The following SHTN1 variants were observed in gnomAD, a reference collection of about 807,000 sequenced individuals.
SHTN1 encodes shootin-1.
A neutral mutation model predicts 83.1 loss-of-function variants in SHTN1; 42 were observed. The observed-to-expected ratio is 0.51, with a 90% CI of 0.39 to 0.65. SHTN1 has a LOEUF of 0.65. SHTN1 is among the 30% of genes least tolerant of loss of function. The probability of loss-of-function intolerance (pLI) is 0.00; values close to 1 mark genes in which losing one functional copy is unlikely to be tolerated. For synonymous variants in SHTN1, 224 were observed against 247.7 expected (o/e 0.90, Z 0.90); for missense variants, 622 against 737.8 (o/e 0.84, Z 1.82).
At chr10:116,921,309 C>A (rs1040095421) in intron 12 of SHTN1, 125 bp downstream of exon 12, 5 of 640,010 alleles carry the variant, frequency 7.8e-6, no homozygotes, top group African/African-American at 5.5e-5. Flanking sequence ...TTCATTCTTA[C>A]AGCTGTTCAG....
chr10:117,005,119 C>T lies in SHTN1; in HGVS notation c.-40G>A, dbSNP rs569292667. 1.3e-6 allele frequency: 2 copies of T among 1,570,614 alleles called. No individual in the cohort carries two copies. The highest frequency in any genetic ancestry group is 8.6e-7 in the Non-Finnish European group (1 of 1,157,212). On this transcript the variant is annotated 5_prime_UTR_variant, in exon 1 of 17. Transcript: ENST00000355371. The stretch of plus-strand genomic sequence containing the variant: ...CCGGGAATAAAAGGGAAAGAGGGAG[C>T]GGCGCGGGGCACACAGGAGGAGGGG...
intron 1 of SHTN1, among the ~76,000 whole-genome samples, chr10:117,093,139 G>A (rs1281805378): frequency 6.6e-5 from 10 of 152,106 alleles, no homozygotes; most frequent in African/African-American, 1.9e-4. Context: ...CAAGGACACT[G>A]AGTATATACT....
chr10:117,076,136 T>C (rs1853149594), intron 1 of SHTN1, among the ~76,000 whole-genome samples: 1 of 147,298 alleles, frequency 6.8e-6, no homozygotes, highest in South Asian at 2.1e-4. Flanking sequence ...TAAGCTGAGA[T>C]TGTTCCACTG....
At chr10:117,057,081 C>T (rs530047609) in intron 1 of SHTN1, among the ~76,000 whole-genome samples, 4 of 152,170 alleles carry the variant, frequency 2.6e-5, no homozygotes, top group Non-Finnish European at 5.9e-5. Context: ...AAACTGCCCC[C>T]ATTTGCAGAG....
chr10:116,909,906 T>G lies in SHTN1; in HGVS notation c.1359+1884A>C, dbSNP rs893185578. 2.6e-5 allele frequency among the ~76,000 whole-genome samples: 4 copies of G among 152,156 alleles called. No homozygotes were observed. The East Asian group carries it at 7.7e-4, about 29-fold the overall frequency. ...GTTTCTTGATAACCCCTGGTACCAGTGCTTGTGTTTTTCAGTACACAACTG... is the reference window on the plus strand; with the variant it reads ...GTTTCTTGATAACCCCTGGTACCAGGGCTTGTGTTTTTCAGTACACAACTG... On this transcript the variant is annotated intron_variant, in intron 14 of 16. Transcript: ENST00000355371.
At chr10:116,918,192 T>C (rs893791514) in intron 12 of SHTN1, among the ~76,000 whole-genome samples, 4 of 152,188 alleles carry the variant, frequency 2.6e-5, no homozygotes, top group Admixed American at 1.3e-4. Flanking sequence ...TCTAATGTTA[T>C]TGAACTGCCA....
chr10:117,042,002 T>A (rs1429677673), intron 2 of SHTN1, among the ~76,000 whole-genome samples: 1 of 152,222 alleles, frequency 6.6e-6, no homozygotes, highest in Non-Finnish European at 1.5e-5. Flanking sequence ...TTTCATGCCC[T>A]ATGCTACTCA....
intron 14 of SHTN1, among the ~76,000 whole-genome samples, chr10:116,909,771 A>G (rs973806810): frequency 6.6e-6 from 1 of 152,302 alleles, no homozygotes; most frequent in East Asian, 1.9e-4. Flanking sequence ...GCAGAAGGCC[A>G]AATCACTAAG....
intron 2 of SHTN1, among the ~76,000 whole-genome samples, chr10:117,018,791 T>C (rs1272310073): frequency 2.0e-5 from 3 of 152,106 alleles, no homozygotes; most frequent in African/African-American, 7.2e-5. Flanking sequence ...CAGGCTGGTC[T>C]TGAATGCCTG....
intron 11 of SHTN1, among the ~76,000 whole-genome samples, chr10:116,926,568 T>G (rs1848751697): frequency 6.6e-6 from 1 of 152,224 alleles, no homozygotes; most frequent in Non-Finnish European, 1.5e-5. Flanking sequence ...AGAATCTTTT[T>G]AAAAGGCAAA....
At chr10:116,905,327 G>A (rs1044343915) in intron 15 of SHTN1, among the ~76,000 whole-genome samples, 1 of 152,126 alleles carries the variant, frequency 6.6e-6, no homozygotes, top group Non-Finnish European at 1.5e-5. Flanking sequence ...TATGTTACGG[G>A]GAGGCTGCAT....
At chr10:116,897,379 A>G (rs1166740386) in intron 16 of SHTN1, among the ~76,000 whole-genome samples, 1 of 152,204 alleles carries the variant, frequency 6.6e-6, no homozygotes, top group Non-Finnish European at 1.5e-5. Context: ...GAACAGCTTT[A>G]CCAAGTGAAC....
intron 2 of SHTN1, among the ~76,000 whole-genome samples, chr10:116,970,785 T>G (rs1850589352): frequency 6.6e-6 from 1 of 151,720 alleles, no homozygotes. Context: ...AATAATATCT[T>G]ACATACACAA....
intron 13 of SHTN1, among the ~76,000 whole-genome samples, chr10:116,913,444 A>G (rs1006099817): frequency 4.6e-5 from 7 of 152,234 alleles, no homozygotes; most frequent in Non-Finnish European, 7.3e-5. Context: ...ATCCTTGTTC[A>G]GTTGCTTCCC....
intron 2 of SHTN1, among the ~76,000 whole-genome samples, chr10:117,027,212 G>A (rs1038527342): frequency 6.6e-6 from 1 of 152,166 alleles, no homozygotes; most frequent in East Asian, 1.9e-4. Flanking sequence ...CTGGTTGGAG[G>A]TGACTGGCTC....
intron 1 of SHTN1, among the ~76,000 whole-genome samples, chr10:117,104,488 C>A (rs982240981): frequency 6.6e-6 from 1 of 151,904 alleles, no homozygotes; most frequent in East Asian, 1.9e-4. Context: ...TAGTAGCTCT[C>A]GGCCAGGCGC....
At chr10:116,969,789 T>C (rs1176154629) in intron 2 of SHTN1, among the ~76,000 whole-genome samples, 2 of 152,108 alleles carry the variant, frequency 1.3e-5, no homozygotes, top group Non-Finnish European at 2.9e-5. Context: ...CTAATGTTTA[T>C]TATTATAAGG....
At chr10:116,991,244 C>T (rs942698714) in intron 1 of SHTN1, among the ~76,000 whole-genome samples, 1 of 152,100 alleles carries the variant, frequency 6.6e-6, no homozygotes, top group Non-Finnish European at 1.5e-5. Flanking sequence ...TTGTAGTTTT[C>T]GTATTGAGTC....
chr10:116,910,383 T>C (rs1406297592), intron 14 of SHTN1, among the ~76,000 whole-genome samples: 1 of 152,234 alleles, frequency 6.6e-6, no homozygotes, highest in Middle Eastern at 3.2e-3. Context: ...CTAAAAAAGA[T>C]GTCTTAAAAT....
Sources: allele counts gnomAD v4.1 joint callset (sites outside exome capture counted in the v4.1 genomes callset), GRCh38; gene constraint gnomAD v4.1.1; transcripts MANE v1.5; gene names NCBI Gene and HGNC (gene_info 2026-07-23, HGNC 2026-07-21).